COL4A6: variants seen among roughly 807,000 people sequenced by gnomAD.
COL4A6 encodes collagen type IV alpha 6 chain.
Under a neutral mutation model 126.7 loss-of-function variants are expected in COL4A6, and 59 were observed. The observed-to-expected ratio is 0.47, with a 90% CI of 0.38 to 0.58. The LOEUF (loss-of-function observed/expected upper bound fraction) is 0.58. Among genes scored for constraint, COL4A6 ranks in the 20% least tolerant of loss-of-function variants. COL4A6 has a pLI of 0.00. For missense variants in COL4A6, 1,285 were observed against 1,337.3 expected (o/e 0.96, Z 0.61); for synonymous variants, 547 against 496.6 (o/e 1.10, Z -1.35).
At chrX:108,177,441 C>G (rs902487285) in intron 27 of COL4A6, among the ~76,000 whole-genome samples, 6 of 111,802 alleles carry the variant, frequency 5.4e-5, no homozygotes, top group African/African-American at 2.0e-4. Context: ...TAAAGCTGAG[C>G]TGTTGTTTCA....
chrX:108,438,331 T>G lies in COL4A6; in HGVS notation c.-135A>C. Reference sequence around the variant, plus strand: ...AGTAGGTGGACGAAGTGGCCCAGTTTGGAAGAAACTAAACACTGCTTCTAG... The same window carrying G: ...AGTAGGTGGACGAAGTGGCCCAGTTGGGAAGAAACTAAACACTGCTTCTAG... On this transcript the variant is annotated 5_prime_UTR_variant, in exon 1 of 45. Transcript: ENST00000334504. 2.8e-6 allele frequency: 3 copies of G among 1,087,479 alleles called. No homozygotes were observed. The highest frequency in any genetic ancestry group is 2.4e-6 in the Non-Finnish European group (2 of 836,346). 89.6% of individuals were successfully genotyped at this position (1,087,479 alleles called of 1,213,427 possible).
chrX:108,369,776 A>T (rs2040280830), intron 2 of COL4A6, among the ~76,000 whole-genome samples: 1 of 112,143 alleles, frequency 8.9e-6, no homozygotes, highest in Non-Finnish European at 1.9e-5. Context: ...CTATTTCTGT[A>T]AAGGGCCAAA....
At chrX:108,204,861 G>A (rs150518919) in intron 11 of COL4A6, among the ~76,000 whole-genome samples, 16 of 110,994 alleles carry the variant, frequency 1.4e-4, no homozygotes, top group Non-Finnish European at 1.9e-4. Context: ...CAGAAGGGTG[G>A]GAATGGCAAG....
At chrX:108,361,750 T>C (rs1296493131) in intron 2 of COL4A6, among the ~76,000 whole-genome samples, 5 of 111,777 alleles carry the variant, frequency 4.5e-5, no homozygotes, top group African/African-American at 1.6e-4. Flanking sequence ...CACCACAGCT[T>C]CTGAGGCCAG....
chrX:108,400,357 C>A (rs2041059612), intron 2 of COL4A6, among the ~76,000 whole-genome samples: 1 of 111,085 alleles, frequency 9.0e-6, no homozygotes. Context: ...ATGGTACTAT[C>A]TCATTACTCA....
intron 3 of COL4A6, among the ~76,000 whole-genome samples, chrX:108,287,894 A>G (rs901261021): frequency 8.9e-6 from 1 of 111,733 alleles, no homozygotes; most frequent in African/African-American, 3.3e-5. Flanking sequence ...TGTCCAGGTA[A>G]TAAGCTGGGG....
At chrX:108,355,136 G>A (rs1409898658) in intron 2 of COL4A6, among the ~76,000 whole-genome samples, 1 of 111,314 alleles carries the variant, frequency 9.0e-6, no homozygotes, top group East Asian at 2.8e-4. Context: ...TCCATCCAAG[G>A]AGACCCAAGG....
intron 2 of COL4A6, among the ~76,000 whole-genome samples, chrX:108,357,879 A>G (rs1195026315): frequency 9.0e-6 from 1 of 111,550 alleles, no homozygotes; most frequent in Non-Finnish European, 1.9e-5. Flanking sequence ...GAACCCAGAT[A>G]GGAAGGCATT....
At chrX:108,169,391 C>A in intron 37 of COL4A6, 104 bp downstream of exon 37, 5 of 1,021,678 alleles carry the variant, frequency 4.9e-6, no homozygotes, top group Non-Finnish European at 6.7e-6. Context: ...GATGTGAAGA[C>A]ACTCACAGCC....
At chrX:108,170,485 C>T in intron 35 of COL4A6, 124 bp downstream of exon 35, 2 of 578,879 alleles carry the variant, frequency 3.5e-6, no homozygotes, top group African/African-American at 4.5e-5. Context: ...TCCCATGATT[C>T]CTCATGTCCA....
chrX:108,281,289 C>T (rs1273409307), intron 3 of COL4A6, among the ~76,000 whole-genome samples: 6 of 90,341 alleles, frequency 6.6e-5, no homozygotes, highest in Middle Eastern at 4.9e-3. Flanking sequence ...TAAGCAACTT[C>T]AGCAAAGTCT....
At chrX:108,400,418 AT>A (rs2041061149) in intron 2 of COL4A6, among the ~76,000 whole-genome samples, 2 of 111,278 alleles carry the variant, frequency 1.8e-5, no homozygotes, top group African/African-American at 6.5e-5. Context: ...TCACACCCAG[AT>A]TTTCATAGCT....
At chrX:108,317,971 A>G (rs1427467344) in intron 2 of COL4A6, among the ~76,000 whole-genome samples, 1 of 111,552 alleles carries the variant, frequency 9.0e-6, no homozygotes, top group Non-Finnish European at 1.9e-5. Context: ...GAAGAAAGTC[A>G]TTGGTAGCTT....
chrX:108,323,350 C>T (rs767617154), intron 2 of COL4A6, among the ~76,000 whole-genome samples: 1 of 111,865 alleles, frequency 8.9e-6, no homozygotes, highest in African/African-American at 3.2e-5. Flanking sequence ...AAACTAAAAG[C>T]TTGATACAGG....
At position 108,280,944 on chromosome X, in the gene COL4A6, A is replaced by G. The variant is rs900773662; in HGVS notation, c.144+29804T>C. Among the ~76,000 whole-genome samples, 14 of 111,132 alleles carry G rather than the reference A, an allele frequency of 1.3e-4. No homozygotes were observed. In the East Asian group the frequency reaches 2.8e-3, roughly 23 times the overall value. On this transcript the variant is annotated intron_variant, in intron 3 of 44. Coordinates refer to ENST00000334504, the MANE Select transcript of COL4A6 (RefSeq NM_033641.4). ...AAAAGGCCTTTGACAAAATTCAACA[A>G]CCCTTCAGGCTAAAAACTCTCAATA...
At chrX:108,437,041 A>T (rs572387079) in intron 2 of COL4A6, among the ~76,000 whole-genome samples, 111 of 111,679 alleles carry the variant, frequency 9.9e-4, no homozygotes, top group African/African-American at 2.5e-3. Context: ...AAGAATTTTT[A>T]AAAAAAATAC....
intron 3 of COL4A6, among the ~76,000 whole-genome samples, chrX:108,260,421 G>A (rs188244935): frequency 1.3e-3 from 148 of 111,620 alleles, no homozygotes; most frequent in Admixed American, 5.4e-3. Context: ...TAATTCCCTC[G>A]TGCTGTGGGA....
chrX:108,299,845 C>T (rs2038439161), intron 3 of COL4A6, among the ~76,000 whole-genome samples: 1 of 111,874 alleles, frequency 8.9e-6, no homozygotes, highest in African/African-American at 3.3e-5. Flanking sequence ...ATGGTCACAG[C>T]CAGTAATTCA....
At chrX:108,254,220 T>C (rs1180107319) in intron 3 of COL4A6, among the ~76,000 whole-genome samples, 1 of 110,564 alleles carries the variant, frequency 9.0e-6, no homozygotes, top group Non-Finnish European at 1.9e-5. Flanking sequence ...CTTTTTTTTT[T>C]CCTGGCTTAT....
Sources: allele counts gnomAD v4.1 joint callset (sites outside exome capture counted in the v4.1 genomes callset), GRCh38; gene constraint gnomAD v4.1.1; transcripts MANE v1.5; gene names NCBI Gene and HGNC (gene_info 2026-07-23, HGNC 2026-07-21).